CDCA5: variants seen among roughly 807,000 people sequenced by gnomAD.
CDCA5 encodes the protein cell division cycle associated 5.
Under a neutral mutation model 25.7 loss-of-function variants are expected in CDCA5, and 14 were observed. The observed-to-expected ratio is 0.54, with a 90% confidence interval of 0.36 to 0.85. The LOEUF (loss-of-function observed/expected upper bound fraction) is 0.85, where lower values mean the gene tolerates loss of function less well. Among genes scored for constraint, CDCA5 ranks in the 40% least tolerant of loss-of-function variants. The pLI is 0.01. For missense variants in CDCA5, 307 were observed against 324.5 expected (o/e 0.95, Z 0.41); for synonymous variants, 127 against 128.7 (o/e 0.99, Z 0.09).
downstream of CDCA5, among the ~76,000 whole-genome samples, chr11:65,065,557 G>A (rs892967463): frequency 1.3e-5 from 2 of 152,148 alleles, no homozygotes; most frequent in African/African-American, 2.4e-5. Context: ...CAAAGTGCTG[G>A]GATTACAGGT....
chr11:65,079,373 T>C lies in CDCA5; in HGVS notation c.658A>G (p.Lys220Glu). Reference sequence around the variant, plus strand: ...CTCACCAAGATCTCTGGCATTTTCTTCTTCTTACGTTTCTGTTTCTCGGGT... The same window carrying C: ...CTCACCAAGATCTCTGGCATTTTCTCCTTCTTACGTTTCTGTTTCTCGGGT... ...PPPEKQKRKKKKMPEILKTEL... is the reference protein window; with the variant it reads ...PPPEKQKRKKEKMPEILKTEL... Residue 220 changes from lysine (K) to glutamate (E), a missense_variant, in exon 5 of 6, where the codon AAG (lysine) becomes GAG (glutamate). Coordinates refer to ENST00000275517, the MANE Select transcript of CDCA5 (RefSeq NM_080668.4). 1 of 1,613,978 alleles carries C rather than the reference T, an allele frequency of 6.2e-7. No individual in the cohort carries two copies. Among genetic ancestry groups the C allele is most frequent in the Non-Finnish European group, 8.5e-7 (1 of 1,179,974 alleles).
downstream of CDCA5, among the ~76,000 whole-genome samples, chr11:65,065,819 C>T (rs471538): frequency 2.0e-5 from 3 of 151,860 alleles, no homozygotes; most frequent in South Asian, 6.2e-4. Flanking sequence ...ATATGTATCT[C>T]CAGGCCTGAG....
rs1486809169 is a variant in CDCA5, at chr11:65,077,568, C to T, written c.*1539G>A. ...GAACTTTGCAATGATGATCTCAACT[C>T]TGCATCATCTGGTGACTCCTGATTC... On this transcript the variant is annotated 3_prime_UTR_variant, in exon 6 of 6. Coordinates refer to ENST00000275517, the MANE Select transcript of CDCA5 (RefSeq NM_080668.4). 1 of 985,270 alleles carries T rather than the reference C, an allele frequency of 1.0e-6. No homozygotes were observed. The highest frequency in any genetic ancestry group is 6.1e-5 in the Admixed American group (1 of 16,272). The allele number at this position is 985,270 out of a possible 1,614,324, so 61.0% of individuals were successfully genotyped here. A position where few individuals can be genotyped will look rare whatever the true frequency, so the allele number is the denominator to read the frequency against.
downstream of CDCA5, among the ~76,000 whole-genome samples, chr11:65,064,882 TG>T (rs1222508013): frequency 4.6e-5 from 7 of 152,094 alleles, no homozygotes. Context: ...TGTAAAAATA[TG>T]AAGAAAAGAG....
downstream of CDCA5, among the ~76,000 whole-genome samples, chr11:65,074,229 C>T (rs1565275809): frequency 2.0e-5 from 3 of 152,122 alleles, no homozygotes; most frequent in South Asian, 2.1e-4. Flanking sequence ...CCCGCCACCA[C>T]GCCCACCTAA....
In CDCA5 at chr11:65,077,579, G is replaced by A; in HGVS notation, c.*1528C>T. ...TGATGATCTCAACTCTGCATCATCT[G>A]GTGACTCCTGATTCTGCAGGACTAA... On this transcript the variant is annotated 3_prime_UTR_variant, in exon 6 of 6. Coordinates refer to ENST00000275517, the MANE Select transcript of CDCA5 (RefSeq NM_080668.4). The A allele has an allele frequency of 2.0e-6, 2 of 985,424 alleles. No individual in the cohort carries two copies. Among genetic ancestry groups the A allele is most frequent in the Non-Finnish European group, 2.4e-6 (2 of 829,920 alleles). 61.0% of individuals were successfully genotyped at this position (985,424 alleles called of 1,614,324 possible). A position where few individuals can be genotyped will look rare whatever the true frequency, so the allele number is the denominator to read the frequency against.
rs1183990617 is a variant in CDCA5, at chr11:65,077,834, C to T, written c.*1273G>A. The T allele has an allele frequency of 1.0e-6, 1 of 985,608 alleles. No individual in the cohort carries two copies. Among genetic ancestry groups the T allele is most frequent in the Non-Finnish European group, 1.2e-6 (1 of 830,056 alleles). The allele number at this position is 985,608 out of a possible 1,614,324, so 61.1% of individuals were successfully genotyped here. On this transcript the variant is annotated 3_prime_UTR_variant, in exon 6 of 6. Coordinates refer to ENST00000275517, the MANE Select transcript of CDCA5 (RefSeq NM_080668.4). ...GTACCCTGACCCAGCACTCATCTTC[C>T]CTGGCATTCTCTGTTATCCACCAGC...
In CDCA5 at chr11:65,079,671, A is replaced by T. The variant is rs150704124; in HGVS notation, c.360T>A (p.Pro120=). 588 of 1,601,142 alleles carry T rather than the reference A, an allele frequency of 3.7e-4. 11 individuals carry two copies. In the Admixed American group the frequency reaches 8.5e-3, roughly 23 times the overall value. ...CTTCCTTGGAGCTGGACTCGGCCTC[A>T]GGGTTCGGCACAGGAGTGCTGGTGG... ...ATPTSTPVPN[P]EAESSSKEGE... is the part of the protein sequence containing the mutation. Residue 120 remains proline (P), a synonymous_variant, in exon 5 of 6, where the codon CCT becomes CCA. Coordinates refer to ENST00000275517, the MANE Select transcript of CDCA5 (RefSeq NM_080668.4).
intron 1 of CDCA5, among the ~76,000 whole-genome samples, chr11:65,070,701 C>T (rs496427): frequency 0.47 from 71,709 of 151,880 alleles, 20,177 homozygotes; most frequent in Non-Finnish European, 0.63. Flanking sequence ...AGACTGGTCT[C>T]GAACTCCTGG....
Position 65,079,387 on chromosome 11 carries a change from T to C in CDCA5, c.644A>G (p.Gln215Arg). The change falls in exon 5 of 6, where the codon CAG (glutamine) becomes CGG (arginine). Residue 215 changes from glutamine (Q) to arginine (R), a missense_variant. Transcript: ENST00000275517. ...TGGCATTTTCTTCTTCTTACGTTTC[T>C]GTTTCTCGGGTGGTGGGGAGATTCC... ...LPGISPPPEK[Q>R]KRKKKKMPEI... is the part of the protein sequence containing the mutation. 4 of 1,614,092 alleles carry C rather than the reference T, an allele frequency of 2.5e-6. No homozygotes were observed. The highest frequency in any genetic ancestry group is 3.4e-6 in the Non-Finnish European group (4 of 1,180,012).
chr11:65,068,392 G>C, intron 2 of CDCA5: 1 of 740,328 alleles, frequency 1.4e-6, no homozygotes, highest in South Asian at 1.6e-5. Context: ...GTGTGACGAC[G>C]GGGGTTCAGG....
At position 65,083,995 on chromosome 11, in the gene CDCA5, C is replaced by G. The variant is rs763520094; in HGVS notation, c.-17G>C. Reference sequence around the variant, plus strand: ...CCCAGACATAACTTAGGCTCCGTCTCGAGCTCCTCCAGCGCCGCCGCCCCG... The same window carrying G: ...CCCAGACATAACTTAGGCTCCGTCTGGAGCTCCTCCAGCGCCGCCGCCCCG... On this transcript the variant is annotated 5_prime_UTR_variant, in exon 1 of 6. Transcript: ENST00000275517. 1 of 1,606,874 alleles carries G rather than the reference C, an allele frequency of 6.2e-7. No homozygotes were observed. Among genetic ancestry groups the G allele is most frequent in the East Asian group, 2.2e-5 (1 of 44,756 alleles).
Position 65,079,738 on chromosome 11 carries a change from G to A in CDCA5, c.293C>T (p.Thr98Ile). ...GTGTGTCTTGAAAAGGTCCTCCTTA[G>A]TAAGCTCCCTGCCAGGGGGCTCGTT... ...KENEPPGREL[T>I]KEDLFKTHSV... The change falls in exon 5 of 6, where the codon ACT (threonine) becomes ATT (isoleucine). Residue 98 changes from threonine to isoleucine, a missense_variant. Transcript: ENST00000275517. 6.6e-7 allele frequency: 1 copy of A among 1,508,830 alleles called. No homozygotes were observed. The highest frequency in any genetic ancestry group is 8.8e-7 in the Non-Finnish European group (1 of 1,130,052). 93.5% of individuals were successfully genotyped at this position (1,508,830 alleles called of 1,614,324 possible).
the CDCA5 span, among the ~76,000 whole-genome samples, chr11:65,061,117 C>A: frequency 6.6e-6 from 1 of 152,230 alleles, no homozygotes; most frequent in Non-Finnish European, 1.5e-5. Flanking sequence ...CTTTCTGCTT[C>A]TTCTGCGCCT....
chr11:65,068,606 G>A, intron 1 of CDCA5: 1 of 1,285,152 alleles, frequency 7.8e-7, no homozygotes, highest in Non-Finnish European at 1.0e-6. Context: ...AAGAGACTGA[G>A]AGAGACAGAA....
rs1210141572 is a variant in CDCA5, at chr11:65,083,961, C to G, written c.18G>C (p.Thr6=). Residue 6 remains threonine, a synonymous_variant, in exon 1 of 6, where the codon ACG becomes ACC. Transcript: ENST00000275517. The stretch of plus-strand genomic sequence containing the variant: ...AGCGCTGAGCGGCTCCTCCGGACCG[C>G]GTTCGCCTCCCAGACATAACTTAGG... MSGRR[T]RSGGAAQRSG... 6.4e-7 allele frequency: 1 copy of G among 1,569,750 alleles called. No individual in the cohort carries two copies. Among genetic ancestry groups the G allele is most frequent in the Non-Finnish European group, 8.6e-7 (1 of 1,163,524 alleles).
In CDCA5 at chr11:65,083,539, C is replaced by T. The variant is rs751227653; in HGVS notation, c.153G>A (p.Ala51=). ...AGACGATGGGCTTTCTGACTGCAGC[C>T]GCACTGGGTGTCTGGAGAAGAGGGA... ...LPEIWPKTPS[A]AAVRKPIVLK... is the part of the protein sequence containing the mutation. The change falls in exon 3 of 6, where the codon GCG becomes GCA. Residue 51 remains alanine, a synonymous_variant. Transcript: ENST00000275517. 5 of 1,614,046 alleles carry T rather than the reference C, an allele frequency of 3.1e-6. No homozygotes were observed. The East Asian group carries it at 8.9e-5, about 29-fold the overall frequency.
At chr11:65,067,659 T>C (rs1208455232) in exon 4 of CDCA5, 2 of 1,289,458 alleles carry the variant, frequency 1.6e-6, no homozygotes, top group Admixed American at 4.6e-5. Context: ...GATCACCTCA[T>C]GCAGTCATTC....
At chr11:65,063,233 C>A (rs538820967), downstream of CDCA5, among the ~76,000 whole-genome samples, 2 of 152,224 alleles carry the variant, frequency 1.3e-5, no homozygotes, top group Non-Finnish European at 2.9e-5. Flanking sequence ...ATCTAACAGA[C>A]TTTCAGTGCT....
Sources: gnomAD v4.1 joint callset for allele counts (sites outside exome capture counted in the v4.1 genomes callset) on GRCh38, gnomAD v4.1.1 for gene constraint, MANE v1.5 for transcripts, NCBI Gene and HGNC (gene_info 2026-07-23, HGNC 2026-07-21) for gene names.